SLC39A8: variants seen among roughly 807,000 people sequenced by gnomAD.
SLC39A8 encodes the protein solute carrier family 39 member 8.
A neutral mutation model predicts 40.4 loss-of-function variants in SLC39A8; 15 were observed. The ratio of observed to expected loss-of-function variants is 0.37; its 90% CI spans 0.25 to 0.57. The LOEUF (loss-of-function observed/expected upper bound fraction) is 0.57, where lower values mean the gene tolerates loss of function less well. SLC39A8 is among the 20% of genes least tolerant of loss of function. The pLI, the probability that SLC39A8 is intolerant of heterozygous loss-of-function variation, is 0.75. For synonymous variants in SLC39A8, 223 were observed against 221.6 expected (o/e 1.01, Z -0.06); for missense variants, 472 against 558.8 (o/e 0.84, Z 1.57).
chr4:102,330,305 A>G (rs1244882073), intron 2 of SLC39A8, among the ~76,000 whole-genome samples: 1 of 152,202 alleles, frequency 6.6e-6, no homozygotes, highest in East Asian at 1.9e-4. Flanking sequence ...AAGAGAGAAG[A>G]ATCAAAAGGA....
intron 2 of SLC39A8, among the ~76,000 whole-genome samples, chr4:102,331,002 CT>C (rs1246849585): frequency 2.6e-5 from 4 of 152,138 alleles, no homozygotes; most frequent in Admixed American, 6.5e-5. Flanking sequence ...GCTCAATAAA[CT>C]ACGTATTGAT....
chr4:102,282,246 T>G (rs576217838), intron 6 of SLC39A8, among the ~76,000 whole-genome samples: 75 of 152,218 alleles, frequency 4.9e-4, no homozygotes, highest in South Asian at 2.1e-3. Flanking sequence ...CTGTAGGCAC[T>G]CAGTGAGTGT....
At chr4:102,324,318 C>A in intron 2 of SLC39A8, 1 of 259,764 alleles carries the variant, frequency 3.8e-6, no homozygotes, top group Non-Finnish European at 8.0e-6. Flanking sequence ...TCGCTTGAAC[C>A]CAGAAGGCGG....
chr4:102,307,308 C>G, intron 4 of SLC39A8, 128 bp downstream of exon 4: 1 of 1,107,906 alleles, frequency 9.0e-7, no homozygotes, highest in East Asian at 2.4e-5. Flanking sequence ...ATTCAGCTTT[C>G]TCTTATCCAA....
At chr4:102,344,012 C>G (rs1266317520) in intron 2 of SLC39A8, among the ~76,000 whole-genome samples, 2 of 152,164 alleles carry the variant, frequency 1.3e-5, no homozygotes, top group Non-Finnish European at 2.9e-5. Context: ...TGGTTACGCA[C>G]CGGGCAACTG....
chr4:102,340,104 A>T (rs1735874811), intron 2 of SLC39A8, among the ~76,000 whole-genome samples: 1 of 152,216 alleles, frequency 6.6e-6, no homozygotes, highest in Non-Finnish European at 1.5e-5. Context: ...CTGTAAAGTC[A>T]TGTGAGGACT....
At position 102,344,663 on chromosome 4, in the gene SLC39A8, C is replaced by G; in HGVS notation, c.-1G>C. On this transcript the variant is annotated 5_prime_UTR_variant, in exon 2 of 9. Transcript: ENST00000356736. ...CGGCCACCGCGCGACCCGGGGCCATCCTGGCCTGGGCTTCCCCTTGAGGGC... is the reference window on the plus strand; with the variant it reads ...CGGCCACCGCGCGACCCGGGGCCATGCTGGCCTGGGCTTCCCCTTGAGGGC... 1 of 1,520,528 alleles carries G rather than the reference C, an allele frequency of 6.6e-7. No individual in the cohort carries two copies. Among genetic ancestry groups the G allele is most frequent in the Non-Finnish European group, 8.8e-7 (1 of 1,136,866 alleles). The allele number at this position is 1,520,528 out of a possible 1,614,324, so 94.2% of individuals were successfully genotyped here.
intron 6 of SLC39A8, among the ~76,000 whole-genome samples, chr4:102,282,436 T>C (rs981856918): frequency 8.5e-5 from 13 of 152,306 alleles, no homozygotes; most frequent in Admixed American, 7.2e-4. Flanking sequence ...TCCAAATTGG[T>C]TCACCAATAT....
intron 2 of SLC39A8, among the ~76,000 whole-genome samples, chr4:102,323,164 T>A (rs891851417): frequency 6.6e-6 from 1 of 152,212 alleles, no homozygotes; most frequent in African/African-American, 2.4e-5. Context: ...CCACCTATAA[T>A]CTTCATCTGT....
chr4:102,264,232 C>T (rs1212801952), intron 8 of SLC39A8, among the ~76,000 whole-genome samples: 1 of 152,176 alleles, frequency 6.6e-6, no homozygotes, highest in Non-Finnish European at 1.5e-5. Context: ...ACTCCATGGA[C>T]TGATCCATGG....
chr4:102,262,917 G>A lies in SLC39A8; in HGVS notation c.*127C>T, dbSNP rs1026394540. The A allele has an allele frequency of 2.1e-6, 3 of 1,414,610 alleles. No homozygotes were observed. The African/African-American group carries it at 4.3e-5, about 20-fold the overall frequency. The allele number at this position is 1,414,610 out of a possible 1,614,324, so 87.6% of individuals were successfully genotyped here. On this transcript the variant is annotated 3_prime_UTR_variant, in exon 9 of 9. Coordinates refer to ENST00000356736, the MANE Select transcript of SLC39A8 (RefSeq NM_001135146.2). ...TTTCACAGACTGATGCCAATAATTA[G>A]TTTTCTGGACCTACAGTTGAAAGCA...
In SLC39A8 at chr4:102,267,635, C is replaced by A. The variant is rs201523572; in HGVS notation, c.1088G>T (p.Arg363Leu). The change falls in exon 8 of 9, where the codon CGA (arginine) becomes CTA (leucine). Residue 363 changes from arginine to leucine, a missense_variant. By Grantham distance (102) the Arg-to-Leu change is moderately radical. Transcript: ENST00000356736. ...AAGGAAGTTGAATAGCAAGGCTTGT[C>A]GAGTGCTCATCCCTGCATTGAGTAG... The part of the protein sequence containing the change: ...VILLNAGMST[R>L]QALLFNFLSA... 6.2e-7 allele frequency: 1 copy of A among 1,612,928 alleles called. No homozygotes were observed. Among genetic ancestry groups the A allele is most frequent in the African/African-American group, 1.3e-5 (1 of 74,790 alleles).
At chr4:102,265,580 T>G (rs1373903466) in intron 8 of SLC39A8, among the ~76,000 whole-genome samples, 1 of 152,192 alleles carries the variant, frequency 6.6e-6, no homozygotes, top group East Asian at 1.9e-4. Flanking sequence ...CCAAAAACTT[T>G]CAATGTGCAA....
At chr4:102,330,541 A>G (rs1048887520) in intron 2 of SLC39A8, among the ~76,000 whole-genome samples, 1 of 152,182 alleles carries the variant, frequency 6.6e-6, no homozygotes, top group Non-Finnish European at 1.5e-5. Flanking sequence ...TAGCCTACCA[A>G]TCAAAAAAAG....
rs191423289 is a variant in SLC39A8 at position 102,266,609 on chromosome 4, T to C, written c.1233+881A>G. Among the ~76,000 whole-genome samples the C allele has an allele frequency of 6.8e-3, 1,010 of 149,514 alleles. 11 individuals carry two copies. The highest frequency in any genetic ancestry group is 6.5e-3 in the Non-Finnish European group (436 of 66,582). ...ATATTCTCTCTCTTACACACACACA[T>C]GCACACTCTTTTTTTTTTAGATGGA... On this transcript the variant is annotated intron_variant, in intron 8 of 8. Transcript: ENST00000356736.
At chr4:102,272,097 G>A (rs531878135) in intron 6 of SLC39A8, among the ~76,000 whole-genome samples, 26 of 152,178 alleles carry the variant, frequency 1.7e-4, no homozygotes, top group Admixed American at 1.5e-3. Flanking sequence ...CCAGCACTAT[G>A]GGATGCCAAG....
intron 2 of SLC39A8, among the ~76,000 whole-genome samples, chr4:102,340,127 C>T (rs1339260081): frequency 1.3e-5 from 2 of 152,100 alleles, no homozygotes; most frequent in African/African-American, 4.8e-5. Flanking sequence ...AATTATCAAA[C>T]TCATCTTAAA....
intron 6 of SLC39A8, among the ~76,000 whole-genome samples, chr4:102,303,427 G>T (rs1299239504): frequency 1.3e-5 from 2 of 151,928 alleles, no homozygotes; most frequent in East Asian, 1.9e-4. Flanking sequence ...ACTTGCCAGA[G>T]ATTTTGGATT....
chr4:102,271,032 G>C (rs181022569), intron 6 of SLC39A8, among the ~76,000 whole-genome samples: 5 of 152,072 alleles, frequency 3.3e-5, no homozygotes, highest in Admixed American at 3.3e-4. Flanking sequence ...AGCATGAGGA[G>C]GAGGAGGAGG....
Sources: allele counts gnomAD v4.1 joint callset (sites outside exome capture counted in the v4.1 genomes callset), GRCh38; gene constraint gnomAD v4.1.1; transcripts MANE v1.5; gene names NCBI Gene and HGNC (gene_info 2026-07-23, HGNC 2026-07-21).